The following PRKN variants were observed in gnomAD, a reference collection of about 807,000 sequenced individuals.
The protein encoded by PRKN is E3 ubiquitin-protein ligase parkin.
In PRKN, 56 loss-of-function variants were observed where a neutral mutation model predicts 59.5. The ratio of observed to expected loss-of-function variants is 0.94; its 90% CI spans 0.76 to 1.18. The LOEUF (loss-of-function observed/expected upper bound fraction) is 1.18, where lower values mean the gene tolerates loss of function less well. Ranked by LOEUF, PRKN falls within the 50% of genes most tolerant of loss-of-function variation. The pLI, the probability that PRKN is intolerant of heterozygous loss-of-function variation, is 0.00. For missense variants in PRKN, 657 were observed against 596.4 expected, an observed-to-expected ratio of 1.10 and a Z score of -1.06; for synonymous variants, 250 against 222.1, an observed-to-expected ratio of 1.13 and a Z score of -1.12.
intron 3 of PRKN, among the ~76,000 whole-genome samples, chr6:162,235,962 A>AAAGAAAGG: frequency 1.7e-5 from 1 of 59,298 alleles, no homozygotes; most frequent in Admixed American, 1.6e-4. Flanking sequence ...AGAAAGGAAG[A>AAAGAAAGG]AAGAAAGAAA....
chr6:162,360,549 A>G (rs897983338), intron 2 of PRKN, among the ~76,000 whole-genome samples: 22 of 152,178 alleles, frequency 1.4e-4, no homozygotes, highest in Non-Finnish European at 2.5e-4. Context: ...TTTTTTAAAT[A>G]TTAAAAATAA....
Position 161,429,949 on chromosome 6 carries a change from G to A in PRKN, c.1084-43072C>T, listed in dbSNP as rs563726029. Among the ~76,000 whole-genome samples the A allele has an allele frequency of 6.6e-6, 1 of 152,312 alleles. No individual in the cohort carries two copies. The highest frequency in any genetic ancestry group is 1.9e-4 in the East Asian group (1 of 5,190). ...GAAGACCAGAGGTTCCTGGGTCAGA[G>A]ACAAAGGACCATGCATTATTTACAG... is the stretch of plus-strand genomic sequence containing the variant. On this transcript the variant is annotated intron_variant, in intron 9 of 11. Coordinates refer to ENST00000366898, the MANE Select transcript of PRKN (RefSeq NM_004562.3). This position sits in a 1 kb window ranked among gnomAD's most constrained non-coding sequence, Gnocchi z 4.2.
Position 161,736,552 on chromosome 6 carries a change from G to C in PRKN, c.871+49220C>G, listed in dbSNP as rs368355609. Reference sequence around the variant, plus strand: ...CTCCCCTTACCGGGGGCCATCCCCAGGGCAAAGAAAAGGAGGCTGAGACCT... The same window carrying C: ...CTCCCCTTACCGGGGGCCATCCCCACGGCAAAGAAAAGGAGGCTGAGACCT... On this transcript the variant is annotated intron_variant, in intron 7 of 11. Transcript: ENST00000366898. Among the ~76,000 whole-genome samples the C allele has an allele frequency of 1.6e-3, 241 of 152,318 alleles. 13 individuals are homozygous for C. In the South Asian group the frequency reaches 0.048, roughly 30 times the overall value.
chr6:161,609,945 C>G (rs923237003), intron 7 of PRKN, among the ~76,000 whole-genome samples: 6 of 152,014 alleles, frequency 3.9e-5, no homozygotes, highest in African/African-American at 1.4e-4. Flanking sequence ...GAGACTGTTC[C>G]CCATAGTTTA....
chr6:162,020,232 G>T (rs942461036), intron 5 of PRKN, among the ~76,000 whole-genome samples: 1 of 147,502 alleles, frequency 6.8e-6, no homozygotes, highest in Non-Finnish European at 1.5e-5. Flanking sequence ...TGTGACTGCA[G>T]TGCACTTCTG....
At chr6:161,531,160 T>G (rs938176956) in intron 9 of PRKN, among the ~76,000 whole-genome samples, 1 of 151,916 alleles carries the variant, frequency 6.6e-6, no homozygotes, top group Non-Finnish European at 1.5e-5. Flanking sequence ...GGCGGGCAGA[T>G]CACGAGGTCA....
At chr6:162,454,075 T>C (rs1583599131) in intron 1 of PRKN, among the ~76,000 whole-genome samples, 1 of 152,196 alleles carries the variant, frequency 6.6e-6, no homozygotes, top group East Asian at 1.9e-4. Context: ...AATCATAGTA[T>C]CTACCTCCTA....
intron 6 of PRKN, among the ~76,000 whole-genome samples, chr6:161,954,823 C>T (rs1457618230): frequency 2.0e-5 from 3 of 152,224 alleles, no homozygotes; most frequent in South Asian, 2.1e-4. Flanking sequence ...GCCTCTCCTT[C>T]ACAGTGCAGG....
rs1239344143 is a variant in PRKN at position 162,201,196 on chromosome 6, C to T, written c.469G>A (p.Val157Met). The T allele has an allele frequency of 3.7e-6, 6 of 1,614,074 alleles. No homozygotes were observed. The highest frequency in any genetic ancestry group is 5.1e-6 in the Non-Finnish European group (6 of 1,179,962). ...YVYCKGPCQR[V>M]QPGKLRVQCS... is the part of the protein sequence containing the mutation. ...TGTACCCTGAGTTTTCCCGGCTGCA[C>T]TCTTTGACAGGGGCCTTTGCAATAC... is the stretch of plus-strand genomic sequence containing the variant. The change falls in exon 4 of 12, where the codon GTG (valine) becomes ATG (methionine). Residue 157 changes from valine (V) to methionine (M), a missense_variant. Coordinates refer to ENST00000366898, the MANE Select transcript of PRKN (RefSeq NM_004562.3).
chr6:162,462,455 T>G lies in PRKN; in HGVS notation c.8-18982A>C, dbSNP rs1791220376. 1.3e-5 allele frequency among the ~76,000 whole-genome samples: 2 copies of G among 152,156 alleles called. 1 individual carries two copies. Among genetic ancestry groups the G allele is most frequent in the South Asian group, 4.1e-4 (2 of 4,822 alleles). ...GGAATTATCAAAACATCAGACCTAT[T>G]TCATTTCAACCTGGCTTTTATAACC... On this transcript the variant is annotated intron_variant, in intron 1 of 11. Coordinates refer to ENST00000366898, the MANE Select transcript of PRKN (RefSeq NM_004562.3).
At chr6:162,101,741 T>C (rs897107594) in intron 4 of PRKN, among the ~76,000 whole-genome samples, 2 of 152,168 alleles carry the variant, frequency 1.3e-5, no homozygotes, top group African/African-American at 4.8e-5. Flanking sequence ...TATAACTCTC[T>C]ATATCTCTAG....
At position 161,471,625 on chromosome 6, in the gene PRKN, C is replaced by T. The variant is rs897106311; in HGVS notation, c.1083+77229G>A. The stretch of plus-strand genomic sequence containing the variant: ...TATGCTCTTGAATTGGATGGTCTAT[C>T]GGAAACAGAATCAGGATTCAAAAAC... On this transcript the variant is annotated intron_variant, in intron 9 of 11. Coordinates refer to ENST00000366898, the MANE Select transcript of PRKN (RefSeq NM_004562.3). This position sits in a 1 kb window ranked among gnomAD's most constrained non-coding sequence, Gnocchi z 4.5. 6.6e-5 allele frequency among the ~76,000 whole-genome samples: 10 copies of T among 152,182 alleles called. No individual in the cohort carries two copies. The highest frequency in any genetic ancestry group is 2.1e-4 in the South Asian group (1 of 4,816).
At chr6:162,464,659 CAAAAAAAAA>C (rs1164797005) in intron 1 of PRKN, among the ~76,000 whole-genome samples, 1 of 79,922 alleles carries the variant, frequency 1.3e-5, no homozygotes, top group South Asian at 4.3e-4. Flanking sequence ...ACTAAAAATA[CAAAAAAAAA>C]AAAAAAAAAA....
Position 162,020,832 on chromosome 6 carries a change from C to T in PRKN, c.618+33259G>A, listed in dbSNP as rs187871479. Among the ~76,000 whole-genome samples, 18 of 151,952 alleles carry T rather than the reference C, an allele frequency of 1.2e-4. No individual in the cohort carries two copies. The East Asian group carries it at 3.1e-3, about 26-fold the overall frequency. ...GTTAAAATATGTAATGGGCCCGGCG[C>T]GGTGGCTCATGCCTGTAATCCCAGC... On this transcript the variant is annotated intron_variant, in intron 5 of 11. Transcript: ENST00000366898.
chr6:162,190,190 C>A (rs1397929575), intron 4 of PRKN, among the ~76,000 whole-genome samples: 1 of 152,146 alleles, frequency 6.6e-6, no homozygotes, highest in Non-Finnish European at 1.5e-5. Context: ...TACAACAAAC[C>A]CACTTGGCTA....
At chr6:161,523,732 T>C in intron 9 of PRKN, among the ~76,000 whole-genome samples, 1 of 152,224 alleles carries the variant, frequency 6.6e-6, no homozygotes, top group Non-Finnish European at 1.5e-5. Context: ...TAAATCAATT[T>C]CATGGAAAGT....
chr6:162,218,565 T>A (rs7746036), intron 3 of PRKN, among the ~76,000 whole-genome samples: 22,161 of 152,134 alleles, frequency 0.15, 2,339 homozygotes, highest in East Asian at 0.54. Context: ...TAGTTATTAA[T>A]TTTTAAGTTT....
chr6:162,488,629 G>A (rs955344200), intron 1 of PRKN, among the ~76,000 whole-genome samples: 8 of 152,154 alleles, frequency 5.3e-5, no homozygotes, highest in Admixed American at 2.0e-4. Context: ...ATGGGTGACC[G>A]TCCTCTCTGA....
chr6:161,706,837 C>T (rs1307276080), intron 7 of PRKN, among the ~76,000 whole-genome samples: 1 of 152,292 alleles, frequency 6.6e-6, no homozygotes, highest in South Asian at 2.1e-4. Context: ...GGATTACAGG[C>T]GTGAGCCACC....
Sources: gnomAD v4.1 joint callset for allele counts (sites outside exome capture counted in the v4.1 genomes callset) on GRCh38, gnomAD v4.1.1 for gene constraint, Gnocchi (gnomAD v3.1) non-coding constraint, MANE v1.5 for transcripts, NCBI Gene and HGNC (gene_info 2026-07-23, HGNC 2026-07-21) for gene names.